The following ZNF18 variants were observed in gnomAD, a reference collection of about 807,000 sequenced individuals.
The protein encoded by ZNF18 is zinc finger protein 18, also known as heart development-specific gene 1 protein.
In ZNF18, 42 loss-of-function variants were observed where a neutral mutation model predicts 58.1. That is an observed-to-expected ratio of 0.72 (90% CI 0.56 to 0.93). The LOEUF is 0.93. Among genes scored for constraint, ZNF18 ranks in the 40% least tolerant of loss-of-function variants. The pLI is 0.00. For synonymous variants in ZNF18, 231 were observed against 239.8 expected (o/e 0.96, Z 0.34); for missense variants, 540 against 644.2 (o/e 0.84, Z 1.75).
chr17:12,002,509 T>C, the ZNF18 span: 2 of 152,158 alleles, frequency 1.3e-5, no homozygotes, highest in Non-Finnish European at 2.9e-5. Context: ...GTTCCCATTG[T>C]AGAGATAAGA....
At chr17:11,981,481 G>GT (rs1228795219) in intron 6 of ZNF18, among the ~76,000 whole-genome samples, 2 of 142,972 alleles carry the variant, frequency 1.4e-5, no homozygotes, top group Non-Finnish European at 3.0e-5. Flanking sequence ...ACCATGCCCG[G>GT]TTTTTTGTTT....
chr17:12,001,510 T>G (rs1156293083), upstream of ZNF18, among the ~76,000 whole-genome samples: 1 of 152,018 alleles, frequency 6.6e-6, no homozygotes, highest in South Asian at 2.1e-4. Flanking sequence ...GTGCCTGTAG[T>G]CCCAGCAACT....
chr17:12,011,300 G>A, the ZNF18 span: 1 of 249,898 alleles, frequency 4.0e-6, no homozygotes, highest in Non-Finnish European at 7.8e-6. Flanking sequence ...ATAAATGTAT[G>A]GTAATAAATA....
chr17:12,003,357 T>C, the ZNF18 span, among the ~76,000 whole-genome samples: 1 of 151,230 alleles, frequency 6.6e-6, no homozygotes, highest in East Asian at 1.9e-4. Context: ...GAGAATCACT[T>C]GAACCTGGGA....
At chr17:12,020,164 G>T in the ZNF18 span, among the ~76,000 whole-genome samples, 1 of 152,184 alleles carries the variant, frequency 6.6e-6, no homozygotes, top group African/African-American at 2.4e-5. Context: ...TGCATTTAGG[G>T]GAAGATGGTG....
the ZNF18 span, chr17:12,011,063 G>A: frequency 1.2e-5 from 9 of 734,802 alleles, no homozygotes; most frequent in Non-Finnish European, 2.0e-5. Flanking sequence ...GGTGACACCT[G>A]TGGGGCATTC....
chr17:11,990,663 T>G, intron 3 of ZNF18, 113 bp from the exon 4 acceptor site: 2 of 802,088 alleles, frequency 2.5e-6, no homozygotes, highest in Non-Finnish European at 4.0e-6. Flanking sequence ...ATACCTGTAC[T>G]GCCATCTATA....
rs1157017156 is a variant in ZNF18 at position 11,988,063 on chromosome 17, GA to G, written c.666+2398del. Among the ~76,000 whole-genome samples the G allele has an allele frequency of 2.4e-4, 36 of 151,202 alleles. 1 individual carries two copies. In the South Asian group the frequency reaches 5.4e-3, roughly 23 times the overall value. ...TTTTAATTAAGATGTATAGGTTCGT[GA>G]AAAAAAAATTTTTTACAAAATACAA... is the stretch of plus-strand genomic sequence containing the variant. On this transcript the variant is annotated intron_variant, in intron 4 of 6. Coordinates refer to ENST00000580306, the MANE Select transcript of ZNF18 (RefSeq NM_001303281.2).
rs1968548571 is a variant in ZNF18 at position 11,997,444 on chromosome 17, G to C, written c.-96C>G. The C allele has an allele frequency of 6.6e-6, 1 of 152,264 alleles. No homozygotes were observed. Among genetic ancestry groups the C allele is most frequent in the Admixed American group, 6.5e-5 (1 of 15,282 alleles). The allele number at this position is 152,264 out of a possible 1,614,324, so 9.4% of individuals were successfully genotyped here. On this transcript the variant is annotated 5_prime_UTR_variant, in exon 1 of 7. Transcript: ENST00000580306. ...AAGCGCGCTCACCTCGGCCCGCGGC[G>C]CCGGCTCCGGGCGCACTTCCGGGAG...
chr17:12,000,944 C>T (rs1968645170), upstream of ZNF18, among the ~76,000 whole-genome samples: 1 of 151,936 alleles, frequency 6.6e-6, no homozygotes, highest in Admixed American at 6.6e-5. Context: ...AGAAGTTTTG[C>T]TATAAAAAGA....
chr17:11,984,244 AG>A (rs1967578267), intron 4 of ZNF18, 47 bp from the exon 5 acceptor site: 1 of 1,564,334 alleles, frequency 6.4e-7, no homozygotes, highest in Admixed American at 1.9e-5. Flanking sequence ...ACTCCAATGA[AG>A]GTGTTTGAAC....
chr17:12,008,094 A>G, the ZNF18 span, among the ~76,000 whole-genome samples: 1 of 152,182 alleles, frequency 6.6e-6, no homozygotes, highest in Non-Finnish European at 1.5e-5. Flanking sequence ...AGCAGCATGT[A>G]GCCAAGGCAC....
chr17:11,994,317 A>C (rs966878739), intron 1 of ZNF18, among the ~76,000 whole-genome samples: 1 of 152,110 alleles, frequency 6.6e-6, no homozygotes, highest in Admixed American at 6.5e-5. Flanking sequence ...ATTTTTTTTC[A>C]AGGGCCTGAG....
chr17:11,984,201 G>GAAAAAAAAA lies in ZNF18; in HGVS notation c.667-13_667-5dup. 1 of 1,476,280 alleles carries GAAAAAAAAA rather than the reference G, an allele frequency of 6.8e-7. No individual in the cohort carries two copies. The highest frequency in any genetic ancestry group is 9.1e-7 in the Non-Finnish European group (1 of 1,100,776). The allele number at this position is 1,476,280 out of a possible 1,614,324, so 91.4% of individuals were successfully genotyped here. A position where few individuals can be genotyped will look rare whatever the true frequency, so the allele number is the denominator to read the frequency against. On this transcript the variant is annotated splice_region_variant and splice_polypyrimidine_tract_variant and intron_variant, in intron 4 of 6. Coordinates refer to ENST00000580306, the MANE Select transcript of ZNF18 (RefSeq NM_001303281.2). The stretch of plus-strand genomic sequence containing the variant: ...AATCCAGTTGTCTCCACTGTTCCTG[G>GAAAAAAAAA]AAAAAAAAAAAAAAAAGCAATACAA...
At chr17:12,010,838 T>A in the ZNF18 span, 3 of 468,810 alleles carry the variant, frequency 6.4e-6, no homozygotes, top group South Asian at 7.3e-5. Flanking sequence ...GGCTGGCACT[T>A]CAGTTGAACC....
chr17:12,014,555 G>A, the ZNF18 span, among the ~76,000 whole-genome samples: 3 of 152,214 alleles, frequency 2.0e-5, no homozygotes, highest in Non-Finnish European at 4.4e-5. Flanking sequence ...ACCACGTACT[G>A]TATGATTCCA....
At chr17:12,002,085 C>A (rs1209303032), upstream of ZNF18, among the ~76,000 whole-genome samples, 1 of 152,098 alleles carries the variant, frequency 6.6e-6, no homozygotes, top group Non-Finnish European at 1.5e-5. Context: ...AGGATCAAGT[C>A]TATTTCTTAC....
intron 2 of ZNF18, 124 bp downstream of exon 2, chr17:11,992,319 C>G (rs1968176628): frequency 1.6e-6 from 2 of 1,254,738 alleles, no homozygotes; most frequent in Non-Finnish European, 2.2e-6. Flanking sequence ...ACAGAATTGG[C>G]CATTGGTGTG....
chr17:11,986,839 C>G (rs1967776069), intron 4 of ZNF18, among the ~76,000 whole-genome samples: 1 of 152,122 alleles, frequency 6.6e-6, no homozygotes, highest in African/African-American at 2.4e-5. Context: ...CAGTAACTAC[C>G]AAGAAGAGTA....
Sources: gnomAD v4.1 joint callset for allele counts (sites outside exome capture counted in the v4.1 genomes callset) on GRCh38, gnomAD v4.1.1 for gene constraint, MANE v1.5 for transcripts, NCBI Gene and HGNC (gene_info 2026-07-23, HGNC 2026-07-21) for gene names.